The following MYBPC1 variants were observed in gnomAD, a reference collection of about 807,000 sequenced individuals.
MYBPC1 encodes myosin-binding protein C, slow-type.
Under a neutral mutation model 147.1 loss-of-function variants are expected in MYBPC1, and 52 were observed. The ratio of observed to expected loss-of-function variants is 0.35; its 90% CI spans 0.28 to 0.45. The LOEUF is 0.45. Among genes scored for constraint, MYBPC1 ranks in the 20% least tolerant of loss-of-function variants. The pLI is 1.00. For missense variants in MYBPC1, 1,228 were observed against 1,440.3 expected (o/e 0.85, Z 2.39); for synonymous variants, 477 against 475.9 (o/e 1.00, Z -0.03).
intron 1 of MYBPC1, among the ~76,000 whole-genome samples, chr12:101,609,520 C>T (rs1303980900): frequency 2.0e-5 from 3 of 151,920 alleles, no homozygotes; most frequent in Non-Finnish European, 4.4e-5. Flanking sequence ...TGGGCTCAAG[C>T]GATCCTCCCA....
chr12:101,655,779 A>G (rs1565968222), intron 18 of MYBPC1, among the ~76,000 whole-genome samples: 1 of 152,226 alleles, frequency 6.6e-6, no homozygotes, highest in South Asian at 2.1e-4. Flanking sequence ...GCAAAAAAAT[A>G]TTAAAAGTTG....
chr12:101,665,284 G>A (rs1897238091), intron 22 of MYBPC1, among the ~76,000 whole-genome samples: 2 of 152,116 alleles, frequency 1.3e-5, no homozygotes, highest in African/African-American at 2.4e-5. Context: ...CTCTCACAAC[G>A]TGTATCTCTT....
chr12:101,602,729 T>C (rs2135585485), intron 1 of MYBPC1, among the ~76,000 whole-genome samples: 1 of 152,352 alleles, frequency 6.6e-6, no homozygotes, highest in Non-Finnish European at 1.5e-5. Context: ...AGAAAGCTGC[T>C]ATGATAGTCA....
intron 21 of MYBPC1, among the ~76,000 whole-genome samples, chr12:101,662,789 G>T (rs1896787625): frequency 6.6e-6 from 1 of 152,170 alleles, no homozygotes; most frequent in Non-Finnish European, 1.5e-5. Flanking sequence ...ACTGTGGGTG[G>T]CTCTGATTGC....
At chr12:101,678,638 CAG>C (rs886295659) in intron 28 of MYBPC1, among the ~76,000 whole-genome samples, 1 of 152,174 alleles carries the variant, frequency 6.6e-6, no homozygotes, top group African/African-American at 2.4e-5. Flanking sequence ...CACTGTAAGA[CAG>C]AATATGAATG....
At chr12:101,670,729 TG>T (rs1898467450) in intron 24 of MYBPC1, among the ~76,000 whole-genome samples, 1 of 152,216 alleles carries the variant, frequency 6.6e-6, no homozygotes, top group African/African-American at 2.4e-5. Context: ...AAGACTCTTT[TG>T]GTCCTATACG....
In MYBPC1 at chr12:101,685,660, C is replaced by G. The variant is rs1318865270; in HGVS notation, c.*98C>G. ...GATTCGTATCTGCGAGACTTACACT[C>G]AAGCAATCCTGAGGAATACTGAGGG... On this transcript the variant is annotated 3_prime_UTR_variant, in exon 32 of 32. Coordinates refer to ENST00000361466, the MANE Select transcript of MYBPC1 (RefSeq NM_002465.4). 2 of 1,529,566 alleles carry G rather than the reference C, an allele frequency of 1.3e-6. 1 individual carries two copies. The highest frequency in any genetic ancestry group is 2.4e-5 in the South Asian group (2 of 83,852). The allele number at this position is 1,529,566 out of a possible 1,614,324, so 94.7% of individuals were successfully genotyped here.
Position 101,648,081 on chromosome 12 carries a change from C to T in MYBPC1, c.1127C>T (p.Thr376Ile), listed in dbSNP as rs758009052. 9.3e-6 allele frequency: 15 copies of T among 1,612,856 alleles called. 1 individual carries two copies. The highest frequency in any genetic ancestry group is 6.8e-6 in the Non-Finnish European group (8 of 1,179,158). The stretch of plus-strand genomic sequence containing the variant: ...ATGGTGACCAAACAGCTGGAAGATA[C>T]AACTGCTTATTGTGGGGAGAGAGTG... Reference protein sequence around the residue: ...PIMVTKQLEDTTAYCGERVEL... With the variant: ...PIMVTKQLEDITAYCGERVEL... The change falls in exon 14 of 32, where the codon ACA (threonine) becomes ATA (isoleucine). Residue 376 changes from threonine (T) to isoleucine (I), a missense_variant. By Grantham distance (89) the Thr-to-Ile change is moderately conservative. Coordinates refer to ENST00000361466, the MANE Select transcript of MYBPC1 (RefSeq NM_002465.4).
At chr12:101,602,685 C>T (rs6538999) in intron 1 of MYBPC1, among the ~76,000 whole-genome samples, 9,449 of 152,208 alleles carry the variant, frequency 0.062, 793 homozygotes, top group African/African-American at 0.19. Flanking sequence ...CACTGCTCAC[C>T]TCCTCACTAG....
At chr12:101,676,509 C>A (rs1314865383) in intron 26 of MYBPC1, among the ~76,000 whole-genome samples, 1 of 151,910 alleles carries the variant, frequency 6.6e-6, no homozygotes, top group Non-Finnish European at 1.5e-5. Flanking sequence ...AGTCCCAGCA[C>A]TTTGGAAGGC....
rs755692101 is a variant in MYBPC1 at position 101,653,148 on chromosome 12, C to T, written c.1667C>T (p.Ala556Val). ...AAGATCATCCTGGATGGTCTTGATG[C>T]TGACAACACAGTGACAGTGATTGCA... ...PPKIILDGLD[A>V]DNTVTVIAGN... Residue 556 changes from alanine (A) to valine (V), a missense_variant, in exon 18 of 32, where the codon GCT becomes GTT. This residue lies in a region of MYBPC1 where 1,077 missense variants were observed against 1,314.2 expected (regional missense o/e 0.82). Transcript: ENST00000361466. The T allele has an allele frequency of 3.1e-6, 5 of 1,613,936 alleles. No homozygotes were observed. In the East Asian group the frequency reaches 1.1e-4, roughly 36 times the overall value.
intron 3 of MYBPC1, among the ~76,000 whole-genome samples, chr12:101,624,595 C>G (rs1449981655): frequency 6.8e-6 from 1 of 146,886 alleles, no homozygotes; most frequent in Non-Finnish European, 1.5e-5. Context: ...TCAAGTAACT[C>G]TCTAGCCTCA....
At chr12:101,621,969 G>A (rs1384838933) in intron 3 of MYBPC1, among the ~76,000 whole-genome samples, 1 of 152,116 alleles carries the variant, frequency 6.6e-6, no homozygotes, top group Non-Finnish European at 1.5e-5. Context: ...TCTTACAAAT[G>A]CTATTTTCCC....
chr12:101,636,660 T>G lies in MYBPC1; in HGVS notation c.609-12T>G. ...ATTAAACCCAGATTTGCTTTTCTTTTGTTAACGACAGTGGAGAAGGTCAAG... is the reference window on the plus strand; with the variant it reads ...ATTAAACCCAGATTTGCTTTTCTTTGGTTAACGACAGTGGAGAAGGTCAAG... On this transcript the variant is annotated splice_polypyrimidine_tract_variant and intron_variant, in intron 9 of 31. Transcript: ENST00000361466. 6.2e-7 allele frequency: 1 copy of G among 1,613,362 alleles called. No individual in the cohort carries two copies. The highest frequency in any genetic ancestry group is 1.1e-5 in the South Asian group (1 of 91,072).
At chr12:101,649,030 G>T (rs1005791973) in intron 14 of MYBPC1, among the ~76,000 whole-genome samples, 3 of 152,162 alleles carry the variant, frequency 2.0e-5, no homozygotes, top group Admixed American at 1.3e-4. Context: ...TCTTGAGTGC[G>T]AGCAGGTGGC....
chr12:101,617,083 T>C, intron 2 of MYBPC1, 119 bp from the exon 3 acceptor site: 1 of 843,380 alleles, frequency 1.2e-6, no homozygotes, highest in South Asian at 1.4e-5. Context: ...GTATTCAGTA[T>C]CATTTATGAC....
At chr12:101,609,587 C>T (rs1238017472) in intron 1 of MYBPC1, among the ~76,000 whole-genome samples, 1 of 152,138 alleles carries the variant, frequency 6.6e-6, no homozygotes. Flanking sequence ...AACCCTACTG[C>T]TGCAGACTCC....
At chr12:101,693,142 T>C in the MYBPC1 span, among the ~76,000 whole-genome samples, 1 of 152,042 alleles carries the variant, frequency 6.6e-6, no homozygotes, top group African/African-American at 2.4e-5. Context: ...GAGACAGGGC[T>C]TCACCGTGTT....
At chr12:101,682,493 T>A in intron 29 of MYBPC1, 111 bp from the exon 30 acceptor site, 2 of 985,876 alleles carry the variant, frequency 2.0e-6, no homozygotes, top group Non-Finnish European at 3.1e-6. Context: ...TTGTTTATCA[T>A]CAGACTGTTA....
Sources: gnomAD v4.1 joint callset for allele counts (sites outside exome capture counted in the v4.1 genomes callset) on GRCh38, gnomAD v4.1.1 for gene constraint, gnomAD v4.1.1 regional missense constraint, MANE v1.5 for transcripts, NCBI Gene and HGNC (gene_info 2026-07-23, HGNC 2026-07-21) for gene names.